The following NCKAP5 variants were observed in gnomAD, a reference collection of about 807,000 sequenced individuals.
The protein encoded by NCKAP5 is nck-associated protein 5.
In NCKAP5, 92 loss-of-function variants were observed where a neutral mutation model predicts 167.0. The ratio of observed to expected loss-of-function variants is 0.55; its 90% CI spans 0.47 to 0.66. NCKAP5 has a LOEUF of 0.66. NCKAP5 is among the 30% of genes least tolerant of loss of function. The probability of loss-of-function intolerance (pLI) is 0.00; values close to 1 mark genes in which losing one functional copy is unlikely to be tolerated. For missense variants in NCKAP5, 2,378 were observed against 2,315.0 expected, an observed-to-expected ratio of 1.03 and a Z score of -0.56; for synonymous variants, 891 against 877.4, an observed-to-expected ratio of 1.02 and a Z score of -0.27.
intron 3 of NCKAP5, among the ~76,000 whole-genome samples, chr2:133,502,611 AG>A (rs1682624490): frequency 6.6e-6 from 1 of 152,190 alleles, no homozygotes; most frequent in Non-Finnish European, 1.5e-5. Flanking sequence ...TATTCATAAA[AG>A]GTCAAAGCAG....
chr2:133,243,577 T>C (rs896575302), intron 4 of NCKAP5, among the ~76,000 whole-genome samples: 1 of 152,194 alleles, frequency 6.6e-6, no homozygotes, highest in Non-Finnish European at 1.5e-5. Flanking sequence ...CCCTCACGGA[T>C]GCCATGGCTG....
At chr2:133,640,449 A>G in the NCKAP5 span, among the ~76,000 whole-genome samples, 1,082 of 152,324 alleles carry the variant, frequency 7.1e-3, 13 homozygotes, top group African/African-American at 0.025. Flanking sequence ...GAGTCATTCT[A>G]GAGGACTGAG....
intron 3 of NCKAP5, among the ~76,000 whole-genome samples, chr2:133,317,014 T>C (rs1226147912): frequency 6.6e-6 from 1 of 152,180 alleles, no homozygotes; most frequent in Admixed American, 6.5e-5. Context: ...TATTAAGAGA[T>C]ATACTAAGGA....
chr2:133,056,221 CTG>C (rs1407112559), intron 6 of NCKAP5, among the ~76,000 whole-genome samples: 1 of 152,122 alleles, frequency 6.6e-6, no homozygotes, highest in African/African-American at 2.4e-5. Context: ...CAGGTCAACT[CTG>C]GATTCTGCCT....
intron 19 of NCKAP5, among the ~76,000 whole-genome samples, chr2:132,688,209 T>TC (rs1686215137): frequency 6.6e-6 from 1 of 152,204 alleles, no homozygotes; most frequent in South Asian, 2.1e-4. Flanking sequence ...TACATTCTGT[T>TC]CACTATGACT....
chr2:133,387,032 T>G (rs1687027101), intron 3 of NCKAP5, among the ~76,000 whole-genome samples: 1 of 152,238 alleles, frequency 6.6e-6, no homozygotes, highest in Non-Finnish European at 1.5e-5. Flanking sequence ...ATTGGAGCAT[T>G]TAGCCCATTT....
chr2:133,395,761 T>C (rs1159018893), intron 3 of NCKAP5, among the ~76,000 whole-genome samples: 1 of 152,160 alleles, frequency 6.6e-6, no homozygotes, highest in Non-Finnish European at 1.5e-5. Flanking sequence ...TTCTCCTGCC[T>C]CAGCCTCCTG....
chr2:133,130,970 G>T (rs1166422622), intron 5 of NCKAP5, among the ~76,000 whole-genome samples: 1 of 152,150 alleles, frequency 6.6e-6, no homozygotes, highest in African/African-American at 2.4e-5. Flanking sequence ...TACATGCAAT[G>T]TCTGATCATG....
chr2:132,739,618 C>G (rs1395070828), intron 16 of NCKAP5, among the ~76,000 whole-genome samples: 1 of 152,124 alleles, frequency 6.6e-6, no homozygotes, highest in African/African-American at 2.4e-5. Context: ...AATACATATA[C>G]TATCATGGAA....
intron 9 of NCKAP5, among the ~76,000 whole-genome samples, chr2:132,871,215 C>G (rs57178398): frequency 1.1e-4 from 16 of 152,088 alleles, no homozygotes; most frequent in Admixed American, 4.6e-4. Flanking sequence ...TGACCAATAG[C>G]ATAATAGTGA....
At chr2:133,321,899 G>T (rs1324931235) in intron 3 of NCKAP5, among the ~76,000 whole-genome samples, 1 of 152,138 alleles carries the variant, frequency 6.6e-6, no homozygotes, top group Non-Finnish European at 1.5e-5. Context: ...AATATCAATT[G>T]AATTCACTCC....
At chr2:133,044,339 C>T (rs190438354) in intron 6 of NCKAP5, among the ~76,000 whole-genome samples, 4 of 152,158 alleles carry the variant, frequency 2.6e-5, no homozygotes, top group Non-Finnish European at 5.9e-5. Flanking sequence ...AGTTGCAATG[C>T]ATATAACCAA....
intron 6 of NCKAP5, among the ~76,000 whole-genome samples, chr2:133,107,858 T>A (rs138458047): frequency 6.6e-6 from 1 of 152,324 alleles, no homozygotes; most frequent in African/African-American, 2.4e-5. Context: ...GGAAATAACC[T>A]TTAAACATTA....
intron 3 of NCKAP5, among the ~76,000 whole-genome samples, chr2:133,362,214 C>T (rs1374158615): frequency 1.3e-5 from 2 of 152,168 alleles, no homozygotes; most frequent in African/African-American, 4.8e-5. Flanking sequence ...ATTGCTTCCA[C>T]CTTTGCTATC....
intron 8 of NCKAP5, among the ~76,000 whole-genome samples, chr2:132,942,742 C>T (rs528565720): frequency 6.0e-4 from 92 of 152,210 alleles, no homozygotes; most frequent in African/African-American, 1.9e-3. Flanking sequence ...TCAGGTATTC[C>T]GCTACATCAA....
At chr2:132,799,750 CATTT>C (rs1250235094) in intron 11 of NCKAP5, among the ~76,000 whole-genome samples, 2 of 152,044 alleles carry the variant, frequency 1.3e-5, no homozygotes, top group Non-Finnish European at 2.9e-5. Flanking sequence ...ATAATTTAAA[CATTT>C]ATTATTATTT....
At chr2:132,719,511 C>T (rs561813633) in intron 19 of NCKAP5, among the ~76,000 whole-genome samples, 1 of 152,252 alleles carries the variant, frequency 6.6e-6, no homozygotes, top group South Asian at 2.1e-4. Context: ...GATGGACAAC[C>T]CTCGAAAAGT....
intron 8 of NCKAP5, among the ~76,000 whole-genome samples, chr2:132,887,790 G>A (rs987569391): frequency 6.6e-6 from 1 of 152,268 alleles, no homozygotes; most frequent in Non-Finnish European, 1.5e-5. Flanking sequence ...GAGACTGCAG[G>A]CATGTGCCAA....
At chr2:133,115,023 T>C (rs755825026) in intron 6 of NCKAP5, among the ~76,000 whole-genome samples, 33 of 152,320 alleles carry the variant, frequency 2.2e-4, no homozygotes, top group Non-Finnish European at 4.3e-4. Flanking sequence ...GAAACTTCTC[T>C]CCACTGAGGA....
Sources: allele counts gnomAD v4.1 joint callset (sites outside exome capture counted in the v4.1 genomes callset), GRCh38; gene constraint gnomAD v4.1.1; transcripts MANE v1.5; gene names NCBI Gene and HGNC (gene_info 2026-07-23, HGNC 2026-07-21).